Variants in CACNA1D observed in about 807,000 individuals in gnomAD.
CACNA1D encodes the protein calcium voltage-gated channel subunit alpha1 D.
A neutral mutation model predicts 257.1 loss-of-function variants in CACNA1D; 55 were observed. The ratio of observed to expected loss-of-function variants is 0.21; its 90% CI spans 0.17 to 0.27. The LOEUF is 0.27. CACNA1D is among the 10% of genes least tolerant of loss of function. CACNA1D has a pLI of 1.00. For missense variants in CACNA1D, 1,876 were observed against 2,784.0 expected (o/e 0.67, Z 7.34); for synonymous variants, 980 against 1,014.9 (o/e 0.97, Z 0.65).
At chr3:53,701,496 G>A (rs560420838) in intron 8 of CACNA1D, among the ~76,000 whole-genome samples, 1 of 152,276 alleles carries the variant, frequency 6.6e-6, no homozygotes, top group South Asian at 2.1e-4. Context: ...GAGTTGGGTT[G>A]GGTTGGCTTA....
chr3:53,733,782 T>C lies in CACNA1D; in HGVS notation c.2621+820T>C, dbSNP rs531192187. 1.2e-3 allele frequency among the ~76,000 whole-genome samples: 183 copies of C among 151,528 alleles called. 1 individual carries two copies. The highest frequency in any genetic ancestry group is 4.3e-3 in the African/African-American group (178 of 41,258). ...TTCATTGGCCCTAGGGAGACACAGG[T>C]GGGAAGCAAGGCCTGCTGGCATCCT... is the stretch of plus-strand genomic sequence containing the variant. On this transcript the variant is annotated intron_variant, in intron 19 of 47. Transcript: ENST00000350061.
intron 9 of CACNA1D, among the ~76,000 whole-genome samples, chr3:53,717,329 C>T (rs1328974826): frequency 6.6e-6 from 1 of 152,234 alleles, no homozygotes; most frequent in East Asian, 1.9e-4. Flanking sequence ...CTGCCTGTCC[C>T]TCACCCCTAT....
rs566306386 is a variant in CACNA1D, at chr3:53,601,366, C to G, written c.484-49413C>G. Among the ~76,000 whole-genome samples, 6 of 151,844 alleles carry G rather than the reference C, an allele frequency of 4.0e-5. No individual in the cohort carries two copies. In the East Asian group the frequency reaches 9.7e-4, roughly 25 times the overall value. ...ACACTCCTCTCTGAGAACCAATCCA[C>G]TTTACCAAGATCTACCCCTCTTGGG... On this transcript the variant is annotated intron_variant, in intron 3 of 47. Transcript: ENST00000350061.
At chr3:53,651,022 C>G in intron 4 of CACNA1D, 104 bp downstream of exon 4, 3 of 1,053,480 alleles carry the variant, frequency 2.8e-6, no homozygotes, top group Non-Finnish European at 4.4e-6. Context: ...TGTGGTTGCT[C>G]TTTTATGCCA....
chr3:53,590,222 A>G lies in CACNA1D; in HGVS notation c.484-60557A>G, dbSNP rs2093283271. ...TGCCTTCTGTTGCTCTAAGGAGTCA[A>G]CTCCTTCCCACCTTGGAGCTTCTAG... On this transcript the variant is annotated intron_variant, in intron 3 of 47. Transcript: ENST00000350061. Among the ~76,000 whole-genome samples the G allele has an allele frequency of 2.6e-5, 4 of 151,282 alleles. No individual in the cohort carries two copies. In the South Asian group the frequency reaches 8.4e-4, roughly 32 times the overall value.
chr3:53,522,897 AC>A (rs1319652975), intron 3 of CACNA1D, among the ~76,000 whole-genome samples: 1 of 152,184 alleles, frequency 6.6e-6, no homozygotes, highest in Non-Finnish European at 1.5e-5. Context: ...TGACCCATTA[AC>A]CAACCTCTCT....
intron 39 of CACNA1D, 55 bp downstream of exon 39, chr3:53,781,722 T>G (rs772733692): frequency 4.3e-5 from 51 of 1,173,026 alleles, no homozygotes; most frequent in Non-Finnish European, 6.0e-5. Flanking sequence ...GTTTTAATGC[T>G]AGTGTCTCCA....
At chr3:53,733,403 G>A (rs1422850413) in intron 19 of CACNA1D, among the ~76,000 whole-genome samples, 2 of 152,170 alleles carry the variant, frequency 1.3e-5, no homozygotes, top group South Asian at 2.1e-4. Flanking sequence ...ACCAAGGTCC[G>A]CATAGCATCC....
At chr3:53,560,061 CTTTTTTTT>C (rs34438908) in intron 3 of CACNA1D, among the ~76,000 whole-genome samples, 1 of 102,658 alleles carries the variant, frequency 9.7e-6, no homozygotes, top group African/African-American at 4.2e-5. Context: ...TTAGGAGTTC[CTTTTTTTT>C]TTTTTTTTTT....
rs747902160 is a variant in CACNA1D, at chr3:53,732,859, C to G, written c.2518C>G (p.Pro840Ala). ...AGAGGAGGAGGATGAACCTGAGGTT[C>G]CTGCCGGACCCCGTCCTCGAAGGAT... ...EEEEEDEPEV[P>A]AGPRPRRISE... The change falls in exon 19 of 48, where the codon CCT (proline) becomes GCT (alanine). Residue 840 changes from proline to alanine, a missense_variant. Physicochemically the swap from Pro to Ala is conservative, Grantham distance 27 (BLOSUM62 -1). Transcript: ENST00000350061. 6.2e-7 allele frequency: 1 copy of G among 1,613,812 alleles called. No individual in the cohort carries two copies. The highest frequency in any genetic ancestry group is 1.1e-5 in the South Asian group (1 of 91,056).
At chr3:53,770,294 A>T in intron 31 of CACNA1D, 130 bp from the exon 32 acceptor site, 1 of 939,902 alleles carries the variant, frequency 1.1e-6, no homozygotes, top group Non-Finnish European at 1.7e-6. Flanking sequence ...CATGCTTTTT[A>T]AGATGAAAAG....
intron 3 of CACNA1D, among the ~76,000 whole-genome samples, chr3:53,567,108 T>C (rs1347707739): frequency 6.6e-6 from 1 of 152,170 alleles, no homozygotes; most frequent in South Asian, 2.1e-4. Context: ...GAGACGATAA[T>C]CTTGGTGAGA....
chr3:53,623,672 A>G (rs969236141), intron 3 of CACNA1D, among the ~76,000 whole-genome samples: 1 of 152,258 alleles, frequency 6.6e-6, no homozygotes, highest in Non-Finnish European at 1.5e-5. Flanking sequence ...AACCCACCAC[A>G]GGAGCCTTTG....
At chr3:53,785,349 C>A (rs1326893821) in intron 39 of CACNA1D, among the ~76,000 whole-genome samples, 1 of 152,200 alleles carries the variant, frequency 6.6e-6, no homozygotes. Context: ...TTAGAAGGAA[C>A]AGAACACTTC....
chr3:53,664,013 G>T (rs2094234000), intron 5 of CACNA1D, among the ~76,000 whole-genome samples: 1 of 152,122 alleles, frequency 6.6e-6, no homozygotes, highest in Non-Finnish European at 1.5e-5. Context: ...TGATCCATCT[G>T]CCTCGGCCTC....
intron 23 of CACNA1D, among the ~76,000 whole-genome samples, chr3:53,745,065 C>A (rs990986022): frequency 2.0e-5 from 3 of 151,938 alleles, no homozygotes; most frequent in Non-Finnish European, 4.4e-5. Context: ...TCATTTATTA[C>A]CTTTTTATTA....
At chr3:53,796,854 T>C (rs950554770) in intron 40 of CACNA1D, among the ~76,000 whole-genome samples, 2 of 152,216 alleles carry the variant, frequency 1.3e-5, no homozygotes, top group African/African-American at 4.8e-5. Context: ...TTAAAATAAG[T>C]CAATAATGTT....
Position 53,705,182 on chromosome 3 carries a change from C to T in CACNA1D, c.1390+2372C>T, listed in dbSNP as rs939579104. ...ACTCTGCTGTGTGAGCCCAGGAGGGCGCGATGATTCTGGCTGGTGGGAGTG... is the reference window on the plus strand; with the variant it reads ...ACTCTGCTGTGTGAGCCCAGGAGGGTGCGATGATTCTGGCTGGTGGGAGTG... On this transcript the variant is annotated intron_variant, in intron 9 of 47. Coordinates refer to ENST00000350061, the MANE Select transcript of CACNA1D (RefSeq NM_001128840.3). Among the ~76,000 whole-genome samples, 11 of 152,110 alleles carry T rather than the reference C, an allele frequency of 7.2e-5. No individual in the cohort carries two copies. In the East Asian group the frequency reaches 9.7e-4, roughly 13 times the overall value.
chr3:53,758,113 C>T (rs553839981), intron 29 of CACNA1D, among the ~76,000 whole-genome samples: 15 of 152,276 alleles, frequency 9.9e-5, no homozygotes, highest in South Asian at 6.2e-4. Flanking sequence ...GGGCATGAGA[C>T]GATACCTGCT....
Sources: gnomAD v4.1 joint callset for allele counts (sites outside exome capture counted in the v4.1 genomes callset) on GRCh38, gnomAD v4.1.1 for gene constraint, MANE v1.5 for transcripts, NCBI Gene and HGNC (gene_info 2026-07-23, HGNC 2026-07-21) for gene names.